Variants in THOC2 observed in about 807,000 individuals in gnomAD.
The protein encoded by THOC2 is THO complex 2.
Under a neutral mutation model 128.4 loss-of-function variants are expected in THOC2, and 10 were observed. That is an observed-to-expected ratio of 0.08 (90% confidence interval 0.05 to 0.13). The LOEUF (loss-of-function observed/expected upper bound fraction) is 0.13. THOC2 is among the 10% of genes least tolerant of loss of function. The pLI is 1.00. For synonymous variants in THOC2, 393 were observed against 396.9 expected (o/e 0.99, Z 0.12); for missense variants, 535 against 1,155.7 (o/e 0.46, Z 7.79).
At chrX:123,697,488 T>C (rs925678193) in intron 5 of THOC2, among the ~76,000 whole-genome samples, 193 bp downstream of exon 5, 7 of 112,216 alleles carry the variant, frequency 6.2e-5, no homozygotes, top group African/African-American at 2.3e-4. Flanking sequence ...TTAAGTGATA[T>C]GGATATGGTT....
At chrX:123,643,197 C>T (rs1206151826) in intron 15 of THOC2, among the ~76,000 whole-genome samples, 1 of 110,753 alleles carries the variant, frequency 9.0e-6, no homozygotes, top group Non-Finnish European at 1.9e-5. Context: ...GAGAGTGGTA[C>T]ATTTAGGGGA....
At chrX:123,654,880 G>C (rs1263757697) in intron 12 of THOC2, among the ~76,000 whole-genome samples, 1 of 109,245 alleles carries the variant, frequency 9.2e-6, no homozygotes, top group African/African-American at 3.3e-5. Context: ...CACAGTAGCT[G>C]ATCGGGCTGC....
At chrX:123,682,723 G>T (rs2147859117) in intron 8 of THOC2, among the ~76,000 whole-genome samples, 1 of 111,697 alleles carries the variant, frequency 9.0e-6, no homozygotes, top group African/African-American at 3.2e-5. Flanking sequence ...AAAAAAGTAA[G>T]AATTTCTGTT....
intron 23 of THOC2, among the ~76,000 whole-genome samples, chrX:123,627,368 C>T (rs1415850262): frequency 1.8e-5 from 2 of 111,540 alleles, no homozygotes; most frequent in African/African-American, 3.3e-5. Flanking sequence ...TTTCAAGACT[C>T]GGCTTCTCAA....
intron 19 of THOC2, 63 bp downstream of exon 19, chrX:123,636,015 CA>C: frequency 1.1e-6 from 1 of 905,671 alleles, no homozygotes; most frequent in Admixed American, 2.5e-5. Flanking sequence ...AACAGAGTCT[CA>C]ATAACCCCAA....
At chrX:123,665,933 A>G (rs994509872) in intron 11 of THOC2, 96 bp from the exon 12 acceptor site, 1 of 517,062 alleles carries the variant, frequency 1.9e-6, no homozygotes, top group Non-Finnish European at 2.7e-6. Context: ...CCATTTTAAC[A>G]AAGTTATCTT....
chrX:123,728,460 G>C (rs1451013889), intron 1 of THOC2, among the ~76,000 whole-genome samples: 1 of 111,571 alleles, frequency 9.0e-6, no homozygotes, highest in Non-Finnish European at 1.9e-5. Flanking sequence ...CTTAGCTTAT[G>C]AATACAGGTC....
At position 123,667,233 on chromosome X, in the gene THOC2, T is replaced by C; in HGVS notation, c.1063A>G (p.Ile355Val). Residue 355 changes from isoleucine (I) to valine (V), a missense_variant, in exon 11 of 39, where the codon ATT (isoleucine) becomes GTT (valine). Physicochemically the swap from Ile to Val is conservative, Grantham distance 29. Transcript: ENST00000245838. ...KLGLLEALLK[I>V]GDWQHAQNIM... ...TTCTGTGCATGTTGCCAATCACCAATCTTTAATAAGGCTTCCAACAAGCCA... is the reference window on the plus strand; with the variant it reads ...TTCTGTGCATGTTGCCAATCACCAACCTTTAATAAGGCTTCCAACAAGCCA... 1.7e-6 allele frequency: 2 copies of C among 1,208,291 alleles called. No individual in the cohort carries two copies. Among genetic ancestry groups the C allele is most frequent in the Non-Finnish European group, 2.2e-6 (2 of 894,255 alleles).
intron 12 of THOC2, among the ~76,000 whole-genome samples, chrX:123,661,469 G>GA (rs778940182): frequency 9.0e-6 from 1 of 110,978 alleles, no homozygotes; most frequent in East Asian, 2.8e-4. Flanking sequence ...CTCATGGAGG[G>GA]AGAGGATAGA....
At chrX:123,695,930 G>T in intron 7 of THOC2, 91 bp downstream of exon 7, 1 of 590,612 alleles carries the variant, frequency 1.7e-6, no homozygotes, top group South Asian at 5.2e-5. Context: ...AAAATAGATG[G>T]AATGCACTCA....
chrX:123,659,289 T>C (rs905148325), intron 12 of THOC2, among the ~76,000 whole-genome samples: 3 of 112,666 alleles, frequency 2.7e-5, no homozygotes, highest in Admixed American at 9.3e-5. Flanking sequence ...TAACAAGTCC[T>C]TGGCCGGGCA....
At chrX:123,621,833 A>C (rs2047093480) in intron 30 of THOC2, among the ~76,000 whole-genome samples, 1 of 111,214 alleles carries the variant, frequency 9.0e-6, no homozygotes, top group Admixed American at 9.5e-5. Flanking sequence ...ACTTGAGGTC[A>C]GGAGTTCGAG....
At chrX:123,610,314 A>G (rs2046654649) in intron 38 of THOC2, 1 of 110,278 alleles carries the variant, frequency 9.1e-6, no homozygotes, top group Non-Finnish European at 1.9e-5. Context: ...AAAAAAAAAG[A>G]AAAAAAAAGT....
rs775118826 is a variant in THOC2, at chrX:123,667,168, G to T, written c.1128C>A (p.His376Gln). The change falls in exon 11 of 39, where the codon CAC becomes CAA. Residue 376 changes from histidine (H) to glutamine (Q), a missense_variant. Physicochemically the swap from His to Gln is conservative, Grantham distance 24 (BLOSUM62 0). Around this residue, in one of 9 missense-constraint regions of THOC2, gnomAD observed 197 missense variants for 313.4 expected, o/e 0.63. Coordinates refer to ENST00000245838, the MANE Select transcript of THOC2 (RefSeq NM_001081550.2). ...DQMPPYYAAS[H>Q]KLIALAICKL... is the part of the protein sequence containing the mutation. ...TGCAAATAGCAAGGGCTATTAGCTT[G>T]TGTGAAGCTGCATAGTATGGAGGCA... 8.3e-7 allele frequency: 1 copy of T among 1,204,874 alleles called. No individual in the cohort carries two copies. The highest frequency in any genetic ancestry group is 1.8e-5 in the South Asian group (1 of 56,085).
intron 23 of THOC2, among the ~76,000 whole-genome samples, chrX:123,626,930 A>G (rs189443902): frequency 3.7e-3 from 413 of 111,309 alleles, no homozygotes; most frequent in Admixed American, 6.9e-3. Flanking sequence ...CCTCTCCTTT[A>G]TATCAAGACT....
At chrX:123,683,985 C>A (rs367874560) in intron 8 of THOC2, among the ~76,000 whole-genome samples, 1 of 109,545 alleles carries the variant, frequency 9.1e-6, no homozygotes, top group Non-Finnish European at 1.9e-5. Flanking sequence ...CAAGTTATTT[C>A]TAAATTAAGT....
In THOC2 at chrX:123,613,543, T is replaced by C; in HGVS notation, c.4533A>G (p.Lys1511=). 8.3e-7 allele frequency: 1 copy of C among 1,208,467 alleles called. No individual in the cohort carries two copies. Among genetic ancestry groups the C allele is most frequent in the Non-Finnish European group, 1.1e-6 (1 of 894,267 alleles). The change falls in exon 36 of 39, where the codon AAA becomes AAG. Residue 1511 remains lysine (K), a synonymous_variant. Transcript: ENST00000245838. ...KEENGTMGVS[K]HKSESPCESP... ...ATTCACAAGGACTTTCACTTTTATG[T>C]TTTGAAACCCCCACTAAAATTACAA... is the stretch of plus-strand genomic sequence containing the variant.
chrX:123,706,361 C>T (rs780783200), intron 3 of THOC2, among the ~76,000 whole-genome samples: 31 of 109,210 alleles, frequency 2.8e-4, no homozygotes, highest in Non-Finnish European at 5.7e-4. Flanking sequence ...ATTAAGGACA[C>T]CTTAATTTCT....
At chrX:123,698,637 G>A (rs1013397041) in intron 4 of THOC2, among the ~76,000 whole-genome samples, 1 of 109,019 alleles carries the variant, frequency 9.2e-6, no homozygotes, top group African/African-American at 3.3e-5. Context: ...CACTTTGGGA[G>A]GCCGAAGCGG....
Sources: allele counts gnomAD v4.1 joint callset (sites outside exome capture counted in the v4.1 genomes callset), GRCh38; gene constraint gnomAD v4.1.1; regional missense constraint gnomAD v4.1.1; transcripts MANE v1.5; gene names NCBI Gene and HGNC (gene_info 2026-07-23, HGNC 2026-07-21).